PAM: variants seen among roughly 807,000 people sequenced by gnomAD.
PAM encodes peptidyl-glycine alpha-amidating monooxygenase.
Under a neutral mutation model 122.1 loss-of-function variants are expected in PAM, and 72 were observed. The ratio of observed to expected loss-of-function variants is 0.59; its 90% confidence interval spans 0.49 to 0.72. The LOEUF (loss-of-function observed/expected upper bound fraction) is 0.72. Ranked by LOEUF, PAM falls within the 30% of genes least tolerant of loss-of-function variation. PAM has a pLI of 0.00. For missense variants in PAM, 1,106 were observed against 1,183.7 expected (o/e 0.93, Z 0.96); for synonymous variants, 389 against 404.4 (o/e 0.96, Z 0.46).
chr5:102,866,054 G>A lies in PAM; in HGVS notation c.-142G>A. 2 of 485,612 alleles carry A rather than the reference G, an allele frequency of 4.1e-6. No homozygotes were observed. Among genetic ancestry groups the A allele is most frequent in the Non-Finnish European group, 7.1e-6 (2 of 281,514 alleles). 30.1% of individuals were successfully genotyped at this position (485,612 alleles called of 1,614,324 possible). A position where few individuals can be genotyped will look rare whatever the true frequency, so the allele number is the denominator to read the frequency against. ...GGCCAGCTCGCTGCTCTCGCTGGCGGATGGTGTGTGGCCGCCGCAGGACGC... is the reference window on the plus strand; with the variant it reads ...GGCCAGCTCGCTGCTCTCGCTGGCGAATGGTGTGTGGCCGCCGCAGGACGC... On this transcript the variant is annotated 5_prime_UTR_variant, in exon 2 of 26. Transcript: ENST00000438793.
intron 20 of PAM, among the ~76,000 whole-genome samples, chr5:103,009,257 TCA>T (rs1779933544): frequency 1.3e-5 from 2 of 152,192 alleles, no homozygotes; most frequent in Non-Finnish European, 1.5e-5. Flanking sequence ...TCTCACATTT[TCA>T]AATTCTAGTT....
intron 16 of PAM, among the ~76,000 whole-genome samples, chr5:103,000,001 T>G (rs1776909399): frequency 6.6e-6 from 1 of 152,212 alleles, no homozygotes; most frequent in South Asian, 2.1e-4. Flanking sequence ...GAATATCTCC[T>G]CAGAAAATGG....
chr5:103,019,148 G>C (rs895765245), intron 22 of PAM, among the ~76,000 whole-genome samples: 10 of 151,474 alleles, frequency 6.6e-5, no homozygotes, highest in Non-Finnish European at 1.5e-4. Context: ...TACGGGGGGG[G>C]ACTGTTACAA....
At chr5:102,809,929 A>G (rs1286814067) in intron 1 of PAM, among the ~76,000 whole-genome samples, 1 of 152,198 alleles carries the variant, frequency 6.6e-6, no homozygotes. Flanking sequence ...CATTGCTATC[A>G]GAAAATAGTT....
intron 3 of PAM, among the ~76,000 whole-genome samples, chr5:102,883,126 T>C (rs1009819560): frequency 7.2e-5 from 11 of 152,040 alleles, no homozygotes; most frequent in Admixed American, 1.3e-4. Context: ...TACGGCCTCA[T>C]AGTATAGTTT....
chr5:102,879,755 G>C (rs1790377862), intron 3 of PAM, among the ~76,000 whole-genome samples: 1 of 152,150 alleles, frequency 6.6e-6, no homozygotes, highest in Admixed American at 6.6e-5. Context: ...AGCAATGCGA[G>C]AATGGTGTAA....
chr5:102,918,941 C>G (rs75521586), intron 5 of PAM, among the ~76,000 whole-genome samples: 2,809 of 152,106 alleles, frequency 0.018, 76 homozygotes, highest in African/African-American at 0.065. Flanking sequence ...TTTAGTTCTT[C>G]CTATTAATAT....
intron 7 of PAM, among the ~76,000 whole-genome samples, chr5:102,930,233 G>T (rs892284344): frequency 2.0e-5 from 3 of 152,168 alleles, no homozygotes; most frequent in Non-Finnish European, 4.4e-5. Flanking sequence ...GCCTGTAGGA[G>T]TTTATTGTAT....
At chr5:102,807,403 G>A (rs955047246) in intron 1 of PAM, among the ~76,000 whole-genome samples, 1 of 152,190 alleles carries the variant, frequency 6.6e-6, no homozygotes. Flanking sequence ...TTTAAAGGGA[G>A]ATTTAAATTA....
chr5:102,901,918 ATGT>A (rs561604547), intron 4 of PAM, among the ~76,000 whole-genome samples: 55 of 151,720 alleles, frequency 3.6e-4, no homozygotes, highest in African/African-American at 1.1e-3. Context: ...AAGAACATTT[ATGT>A]TGTTGTTTGT....
chr5:103,007,188 T>TACACACACACACAC (rs1247892849), intron 19 of PAM, among the ~76,000 whole-genome samples, 177 bp downstream of exon 19: 10 of 106,456 alleles, frequency 9.4e-5, no homozygotes, highest in East Asian at 2.6e-4. Flanking sequence ...CACACACATA[T>TACACACACACACAC]ACATACACAC....
At chr5:102,869,857 G>T (rs912622686) in intron 3 of PAM, among the ~76,000 whole-genome samples, 28 of 151,846 alleles carry the variant, frequency 1.8e-4, no homozygotes, top group African/African-American at 6.5e-4. Flanking sequence ...GTGAAAAAAA[G>T]CAAGACAGAA....
rs1424121693 is a variant in PAM at position 102,804,411 on chromosome 5, G to A, written c.-374+49063G>A. Among the ~76,000 whole-genome samples, 4 of 152,214 alleles carry A rather than the reference G, an allele frequency of 2.6e-5. No individual in the cohort carries two copies. In the East Asian group the frequency reaches 7.7e-4, roughly 29 times the overall value. ...GAAGACCTAAGCTAGAGGGGCAGTA[G>A]TGGGAATGGAACAGGAAGAGAAGGA... On this transcript the variant is annotated intron_variant, in intron 1 of 25. Transcript: ENST00000438793.
At chr5:102,908,166 G>T (rs1437853913) in intron 4 of PAM, among the ~76,000 whole-genome samples, 1 of 152,044 alleles carries the variant, frequency 6.6e-6, no homozygotes, top group Non-Finnish European at 1.5e-5. Context: ...GTAAGGAAGG[G>T]ATCCATTTTC....
chr5:102,842,222 A>ATATATATATATATATATG (rs1442964310), intron 1 of PAM, among the ~76,000 whole-genome samples: 5 of 151,518 alleles, frequency 3.3e-5, no homozygotes, highest in African/African-American at 1.2e-4. Context: ...ATATATATAT[A>ATATATATATATATATATG]TATATCTCCA....
At chr5:102,975,304 G>T (rs1426160280) in intron 15 of PAM, among the ~76,000 whole-genome samples, 1 of 152,148 alleles carries the variant, frequency 6.6e-6, no homozygotes, top group African/African-American at 2.4e-5. Context: ...TTCAAATTCA[G>T]CTTTGTAGGA....
At chr5:102,784,337 TG>T (rs550223081) in intron 1 of PAM, among the ~76,000 whole-genome samples, 89 of 152,282 alleles carry the variant, frequency 5.8e-4, no homozygotes, top group African/African-American at 1.9e-3. Flanking sequence ...GCTGTTTTGG[TG>T]GGCTAGAATG....
chr5:102,946,944 G>C, intron 8 of PAM, 59 bp downstream of exon 8: 1 of 1,096,152 alleles, frequency 9.1e-7, no homozygotes, highest in Non-Finnish European at 1.4e-6. Flanking sequence ...CGAACTTAGA[G>C]TGGGAAGTTT....
At chr5:102,916,423 G>T (rs1389852787) in intron 5 of PAM, among the ~76,000 whole-genome samples, 1 of 151,682 alleles carries the variant, frequency 6.6e-6, no homozygotes, top group Non-Finnish European at 1.5e-5. Flanking sequence ...GTATCCCATA[G>T]CCCCACTTAA....
Sources: allele counts gnomAD v4.1 joint callset (sites outside exome capture counted in the v4.1 genomes callset), GRCh38; gene constraint gnomAD v4.1.1; transcripts MANE v1.5; gene names NCBI Gene and HGNC (gene_info 2026-07-23, HGNC 2026-07-21).